SSH1: variants seen among roughly 807,000 people sequenced by gnomAD.
SSH1 encodes slingshot protein phosphatase 1, also known as protein phosphatase Slingshot homolog 1.
A neutral mutation model predicts 79.7 loss-of-function variants in SSH1; 43 were observed. That is an observed-to-expected ratio of 0.54 (90% CI 0.42 to 0.70). The LOEUF is 0.70. Among genes scored for constraint, SSH1 ranks in the 30% least tolerant of loss-of-function variants. The pLI, the probability that SSH1 is intolerant of heterozygous loss-of-function variation, is 0.00. For missense variants in SSH1, 1,206 were observed against 1,358.8 expected (o/e 0.89, Z 1.77); for synonymous variants, 599 against 538.3 (o/e 1.11, Z -1.56).
chr12:108,800,210 G>C (rs371404770), intron 12 of SSH1, among the ~76,000 whole-genome samples: 6 of 152,316 alleles, frequency 3.9e-5, no homozygotes, highest in African/African-American at 1.4e-4. Flanking sequence ...CTGTTTCGCA[G>C]GGGAATAAAA....
intron 14 of SSH1, among the ~76,000 whole-genome samples, chr12:108,790,635 G>C (rs547474873): frequency 1.3e-5 from 2 of 152,376 alleles, no homozygotes; most frequent in East Asian, 3.9e-4. Flanking sequence ...GGTAGGCAGG[G>C]AAGTGGGGGA....
intron 2 of SSH1, among the ~76,000 whole-genome samples, chr12:108,832,840 T>C (rs2038506887): frequency 6.6e-6 from 1 of 152,162 alleles, no homozygotes; most frequent in Non-Finnish European, 1.5e-5. Context: ...GGGACACACC[T>C]GTCAACCGGA....
At chr12:108,823,184 C>G in intron 3 of SSH1, 74 bp downstream of exon 3, 1 of 1,426,320 alleles carries the variant, frequency 7.0e-7, no homozygotes, top group Non-Finnish European at 9.7e-7. Flanking sequence ...TCAGCAACAT[C>G]ACCAACAATG....
intron 10 of SSH1, 114 bp from the exon 11 acceptor site, chr12:108,802,482 T>A (rs77833192): frequency 1.1e-6 from 1 of 908,800 alleles, no homozygotes; most frequent in Admixed American, 1.9e-5. Context: ...CATGGCCCCA[T>A]TGGCCTCAGA....
chr12:108,827,066 C>A (rs1305201490), intron 2 of SSH1, among the ~76,000 whole-genome samples: 2 of 151,536 alleles, frequency 1.3e-5, no homozygotes, highest in Non-Finnish European at 2.9e-5. Context: ...CTCCACCACA[C>A]AGATCTGTTC....
rs754928183 is a variant in SSH1 at position 108,792,156 on chromosome 12, G to A, written c.1893+130C>T. The A allele has an allele frequency of 7.1e-5, 109 of 1,532,384 alleles. No homozygotes were observed. In the Admixed American group the frequency reaches 7.3e-4, roughly 10 times the overall value. 94.9% of individuals were successfully genotyped at this position (1,532,384 alleles called of 1,614,324 possible). On this transcript the variant is annotated intron_variant, in intron 14 of 14. Transcript: ENST00000326495. ...AGATGGGAGCTGGGGGCCCAGAGGAGACAATAGAAAAAAATCAGCTGGGTG... is the reference window on the plus strand; with the variant it reads ...AGATGGGAGCTGGGGGCCCAGAGGAAACAATAGAAAAAAATCAGCTGGGTG...
intron 14 of SSH1, among the ~76,000 whole-genome samples, chr12:108,789,921 T>G (rs898840716): frequency 6.6e-6 from 1 of 152,116 alleles, no homozygotes; most frequent in East Asian, 1.9e-4. Flanking sequence ...CTCGAACTCC[T>G]GGGCTCAAGT....
Position 108,806,287 on chromosome 12 carries a change from A to C in SSH1, c.825+14T>G. On this transcript the variant is annotated intron_variant, in intron 9 of 14. Transcript: ENST00000326495. ...ATGACCTCTGACCTGCAATGAAGGG[A>C]GGAGTTGTCTTACCTCTTTGGAAGT... is the stretch of plus-strand genomic sequence containing the variant. The C allele has an allele frequency of 6.2e-7, 1 of 1,611,566 alleles. No homozygotes were observed. Among genetic ancestry groups the C allele is most frequent in the Non-Finnish European group, 8.5e-7 (1 of 1,177,720 alleles).
rs139275831 is a variant in SSH1 at position 108,791,498 on chromosome 12, C to T, written c.1893+788G>A. ...ATAAAATGATATATCTGAGGCCAAG[C>T]GTGGTGACTCAAACCTGTAATTCCA... On this transcript the variant is annotated intron_variant, in intron 14 of 14. Coordinates refer to ENST00000326495, the MANE Select transcript of SSH1 (RefSeq NM_018984.4). Among the ~76,000 whole-genome samples, 671 of 152,238 alleles carry T rather than the reference C, an allele frequency of 4.4e-3. 3 individuals carry two copies. Among genetic ancestry groups the T allele is most frequent in the Non-Finnish European group, 7.8e-3 (530 of 68,028 alleles).
At chr12:108,791,220 G>A (rs146771866) in intron 14 of SSH1, among the ~76,000 whole-genome samples, 4,173 of 152,060 alleles carry the variant, frequency 0.027, 84 homozygotes, top group Non-Finnish European at 0.041. Flanking sequence ...AGCAATTCTC[G>A]TGCCTCAGCC....
chr12:108,780,566 T>G lies in SSH1; in HGVS notation c.*7422A>C, dbSNP rs181106260. On this transcript the variant is annotated 3_prime_UTR_variant, in exon 15 of 15. Transcript: ENST00000326495. ...CTTGGCCATCAGAATTCCCAGGGAATCTCAGAAACATACAGATTGCTGGGG... is the reference window on the plus strand; with the variant it reads ...CTTGGCCATCAGAATTCCCAGGGAAGCTCAGAAACATACAGATTGCTGGGG... The G allele has an allele frequency of 5.9e-5, 9 of 152,348 alleles. No homozygotes were observed. In the East Asian group the frequency reaches 1.7e-3, roughly 29 times the overall value. 9.4% of individuals were successfully genotyped at this position (152,348 alleles called of 1,614,324 possible).
In SSH1 at chr12:108,778,635, C is replaced by T. The variant is rs1208362565; in HGVS notation, c.*9353G>A. The stretch of plus-strand genomic sequence containing the variant: ...TTTATTTATTAGGTAGTGTGCCAGG[C>T]AGAAGGGGATTTGCATGCATTATCA... On this transcript the variant is annotated 3_prime_UTR_variant, in exon 15 of 15. Transcript: ENST00000326495. 2.0e-5 allele frequency: 3 copies of T among 152,248 alleles called. No individual in the cohort carries two copies. Among genetic ancestry groups the T allele is most frequent in the Non-Finnish European group, 4.4e-5 (3 of 68,142 alleles). The allele number at this position is 152,248 out of a possible 1,614,324, so 9.4% of individuals were successfully genotyped here. A position where few individuals can be genotyped will look rare whatever the true frequency, so the allele number is the denominator to read the frequency against.
In SSH1 at chr12:108,792,440, C is replaced by T. The variant is rs576685480; in HGVS notation, c.1739G>A (p.Arg580Gln). Reference protein sequence around the residue: ...KKLEFGSPKGRSGSLLQVEET... With the variant: ...KKLEFGSPKGQSGSLLQVEET... ...CTCCACCTGCAGCAAGGAGCCGCTC[C>T]GACCTTTGGGACTCCCAAACTCTAG... The change falls in exon 14 of 15, where the codon CGG becomes CAG. Residue 580 changes from arginine to glutamine, a missense_variant. Arg to Gln is a conservative substitution (Grantham distance 43). This residue lies in a region of SSH1 where 709 missense variants were observed against 730.6 expected (regional missense o/e 0.97). Transcript: ENST00000326495. 5.0e-6 allele frequency: 8 copies of T among 1,614,184 alleles called. No homozygotes were observed. The highest frequency in any genetic ancestry group is 1.6e-4 in the Middle Eastern group (1 of 6,062).
intron 2 of SSH1, among the ~76,000 whole-genome samples, chr12:108,827,854 C>T (rs1478874028): frequency 2.6e-5 from 4 of 152,204 alleles, no homozygotes; most frequent in South Asian, 2.1e-4. Context: ...ACTCAAAGCA[C>T]GGTTACATCC....
intron 5 of SSH1, among the ~76,000 whole-genome samples, chr12:108,812,145 T>C (rs1404938719): frequency 6.6e-6 from 1 of 152,158 alleles, no homozygotes; most frequent in Non-Finnish European, 1.5e-5. Flanking sequence ...GTGGGGAAGG[T>C]TGTTCCAAGC....
At position 108,792,362 on chromosome 12, in the gene SSH1, G is replaced by C; in HGVS notation, c.1817C>G (p.Thr606Ser). Residue 606 changes from threonine (T) to serine (S), a missense_variant, in exon 14 of 15, where the codon ACC (threonine) becomes AGC (serine). Physicochemically the swap from Thr to Ser is moderately conservative, Grantham distance 58 (BLOSUM62 1). Transcript: ENST00000326495. ...LGAGRWGQLP[T>S]QLDQNLLNSE... ...GTTGAGCAGGTTTTGATCGAGCTGG[G>C]TTGGAAGCTGCCCCCACCTCCCTGC... is the stretch of plus-strand genomic sequence containing the variant. 1 of 1,614,162 alleles carries C rather than the reference G, an allele frequency of 6.2e-7. No individual in the cohort carries two copies. The highest frequency in any genetic ancestry group is 8.5e-7 in the Non-Finnish European group (1 of 1,180,024).
Position 108,799,294 on chromosome 12 carries a change from A to T in SSH1, c.1149-94T>A, listed in dbSNP as rs2036885902. The stretch of plus-strand genomic sequence containing the variant: ...CAACAACTTCATTCTCTCAGGTTTT[A>T]CCCGAATCATTTTTTTAAACCCTGT... On this transcript the variant is annotated intron_variant, in intron 12 of 14. Transcript: ENST00000326495. 1.9e-5 allele frequency: 20 copies of T among 1,067,946 alleles called. No individual in the cohort carries two copies. In the South Asian group the frequency reaches 2.9e-4, roughly 15 times the overall value. The allele number at this position is 1,067,946 out of a possible 1,614,324, so 66.2% of individuals were successfully genotyped here.
chr12:108,810,393 G>A (rs1224594761), intron 6 of SSH1, among the ~76,000 whole-genome samples: 3 of 151,714 alleles, frequency 2.0e-5, no homozygotes, highest in African/African-American at 7.3e-5. Context: ...ATGGTGGCAG[G>A]TGCCTGTAAT....
At chr12:108,812,402 G>A (rs754784132) in intron 5 of SSH1, among the ~76,000 whole-genome samples, 2 of 152,224 alleles carry the variant, frequency 1.3e-5, no homozygotes, top group Non-Finnish European at 2.9e-5. Flanking sequence ...CCCTGAGAAC[G>A]TGCAGTCTAG....
Sources: gnomAD v4.1 joint callset for allele counts (sites outside exome capture counted in the v4.1 genomes callset) on GRCh38, gnomAD v4.1.1 for gene constraint, gnomAD v4.1.1 regional missense constraint, MANE v1.5 for transcripts, NCBI Gene and HGNC (gene_info 2026-07-23, HGNC 2026-07-21) for gene names.